AKAP6: variants seen among roughly 807,000 people sequenced by gnomAD.
AKAP6 encodes A-kinase anchoring protein 6.
AKAP6 carries 58 observed loss-of-function variants against 188.5 expected under a neutral mutation model. The observed-to-expected ratio is 0.31, with a 90% CI of 0.25 to 0.38. AKAP6 has a LOEUF of 0.38. Ranked by LOEUF, AKAP6 falls within the 10% of genes least tolerant of loss-of-function variation. AKAP6 has a pLI of 1.00. For missense variants in AKAP6, 2,710 were observed against 2,740.0 expected, an observed-to-expected ratio of 0.99 and a Z score of 0.24; for synonymous variants, 989 against 998.6, an observed-to-expected ratio of 0.99 and a Z score of 0.18.
chr14:32,404,849 A>C (rs1889234944), intron 1 of AKAP6, among the ~76,000 whole-genome samples: 1 of 148,416 alleles, frequency 6.7e-6, no homozygotes, highest in Non-Finnish European at 1.5e-5. Flanking sequence ...TAGGCTAGTA[A>C]GGTGAGGGCA....
At chr14:32,769,759 T>C (rs2032840156) in intron 11 of AKAP6, among the ~76,000 whole-genome samples, 1 of 152,180 alleles carries the variant, frequency 6.6e-6, no homozygotes, top group South Asian at 2.1e-4. Context: ...TTATTTTCCT[T>C]CTCATCTCTC....
In AKAP6 at chr14:32,822,244, A is replaced by G. The variant is rs753593583; in HGVS notation, c.4431A>G (p.Lys1477=). The change falls in exon 13 of 14, where the codon AAA becomes AAG. Residue 1477 remains lysine, a synonymous_variant. Transcript: ENST00000280979. ...ATTACTCATACCTCCAAGGCTCAAAACTCAAATTACCAATGATAATGAAAC... is the reference window on the plus strand; with the variant it reads ...ATTACTCATACCTCCAAGGCTCAAAGCTCAAATTACCAATGATAATGAAAC... The part of the protein sequence containing the change: ...FYDYSYLQGS[K]LKLPMIMKQS... 5.0e-6 allele frequency: 8 copies of G among 1,613,848 alleles called. No individual in the cohort carries two copies. The South Asian group carries it at 7.7e-5, about 16-fold the overall frequency.
intron 12 of AKAP6, among the ~76,000 whole-genome samples, chr14:32,811,009 G>A (rs1217982848): frequency 6.6e-6 from 1 of 152,054 alleles, no homozygotes; most frequent in African/African-American, 2.4e-5. Flanking sequence ...GGAGGCTGAG[G>A]TGGGCAGATC....
chr14:32,332,267 C>G (rs1225046241), intron 1 of AKAP6, among the ~76,000 whole-genome samples: 1 of 152,084 alleles, frequency 6.6e-6, no homozygotes, highest in African/African-American at 2.4e-5. Context: ...GACATCTTTA[C>G]TGTATATACC....
intron 12 of AKAP6, among the ~76,000 whole-genome samples, chr14:32,806,237 GAGAC>G (rs1240167726): frequency 6.6e-6 from 1 of 152,226 alleles, no homozygotes; most frequent in Non-Finnish European, 1.5e-5. Flanking sequence ...TGACATAGAT[GAGAC>G]AGTAGTTATT....
At chr14:32,454,061 G>A (rs1033474355) in intron 2 of AKAP6, among the ~76,000 whole-genome samples, 2 of 152,110 alleles carry the variant, frequency 1.3e-5, no homozygotes, top group African/African-American at 2.4e-5. Context: ...TTTACATGAA[G>A]AAACCATGAG....
chr14:32,389,625 A>G (rs756396977), intron 1 of AKAP6, among the ~76,000 whole-genome samples: 3 of 152,070 alleles, frequency 2.0e-5, no homozygotes, highest in African/African-American at 7.2e-5. Flanking sequence ...ATTGGATATA[A>G]AATTTTTGGC....
At chr14:32,629,912 A>C (rs1887192125) in intron 7 of AKAP6, among the ~76,000 whole-genome samples, 1 of 152,022 alleles carries the variant, frequency 6.6e-6, no homozygotes, top group South Asian at 2.1e-4. Context: ...CAGAAAATTA[A>C]ATTTTTTTAA....
intron 2 of AKAP6, among the ~76,000 whole-genome samples, chr14:32,531,569 T>C (rs1410021912): frequency 2.0e-5 from 3 of 152,018 alleles, no homozygotes; most frequent in Non-Finnish European, 4.4e-5. Flanking sequence ...TAGATTTGCA[T>C]AACACCTCCA....
intron 7 of AKAP6, among the ~76,000 whole-genome samples, chr14:32,657,598 A>T (rs1888508211): frequency 6.6e-6 from 1 of 151,914 alleles, no homozygotes; most frequent in African/African-American, 2.4e-5. Flanking sequence ...CTTACTAGAG[A>T]CTTTGTTGTT....
At chr14:32,458,115 T>C (rs947575923) in intron 2 of AKAP6, among the ~76,000 whole-genome samples, 7 of 152,204 alleles carry the variant, frequency 4.6e-5, no homozygotes, top group African/African-American at 1.4e-4. Flanking sequence ...TTTACCACCC[T>C]AGAACTGCAT....
intron 2 of AKAP6, among the ~76,000 whole-genome samples, chr14:32,506,619 G>T (rs1451170120): frequency 6.6e-6 from 1 of 152,088 alleles, no homozygotes; most frequent in Non-Finnish European, 1.5e-5. Context: ...GAGGCAGGAG[G>T]ATTGCCTGAA....
Position 32,763,612 on chromosome 14 carries a change from A to T in AKAP6, c.3373-10066A>T, listed in dbSNP as rs1164434638. On this transcript the variant is annotated intron_variant, in intron 11 of 13. Coordinates refer to ENST00000280979, the MANE Select transcript of AKAP6 (RefSeq NM_004274.5). ...TTAATAGAGGCTTTTAAAAAACAAT[A>T]TTTCTGCCTGACTCCTAGAAATGAA... Among the ~76,000 whole-genome samples the T allele has an allele frequency of 2.6e-5, 4 of 152,278 alleles. No individual in the cohort carries two copies. The East Asian group carries it at 7.7e-4, about 29-fold the overall frequency.
intron 11 of AKAP6, among the ~76,000 whole-genome samples, chr14:32,738,988 T>A (rs1475140902): frequency 6.6e-6 from 1 of 152,126 alleles, no homozygotes; most frequent in Non-Finnish European, 1.5e-5. Context: ...CTGCTCTAGA[T>A]TACAAAAATT....
At chr14:32,333,567 A>T (rs1886598474) in intron 1 of AKAP6, among the ~76,000 whole-genome samples, 1 of 152,140 alleles carries the variant, frequency 6.6e-6, no homozygotes, top group Non-Finnish European at 1.5e-5. Flanking sequence ...GAAGCCCATT[A>T]TCTGTGCACA....
At chr14:32,813,280 A>T (rs778376872) in intron 12 of AKAP6, among the ~76,000 whole-genome samples, 1 of 151,784 alleles carries the variant, frequency 6.6e-6, no homozygotes, top group Non-Finnish European at 1.5e-5. Context: ...AAGCTTCCAC[A>T]TTTCTCCAGG....
chr14:32,597,329 C>A (rs1885746472), intron 5 of AKAP6, among the ~76,000 whole-genome samples: 1 of 152,134 alleles, frequency 6.6e-6, no homozygotes, highest in East Asian at 1.9e-4. Context: ...GAGCCCTAGG[C>A]TAAATTTACA....
At chr14:32,606,410 TTCTTA>T (rs1339156735) in intron 7 of AKAP6, among the ~76,000 whole-genome samples, 3 of 152,170 alleles carry the variant, frequency 2.0e-5, no homozygotes, top group African/African-American at 7.2e-5. Context: ...CTTTAAAATG[TTCTTA>T]TCTTCTCTTT....
At chr14:32,811,639 G>T (rs1237207460) in intron 12 of AKAP6, among the ~76,000 whole-genome samples, 4 of 152,202 alleles carry the variant, frequency 2.6e-5, no homozygotes, top group Non-Finnish European at 5.9e-5. Context: ...CAGATAGATA[G>T]TGTCAACGTT....
Sources: gnomAD v4.1 joint callset for allele counts (sites outside exome capture counted in the v4.1 genomes callset) on GRCh38, gnomAD v4.1.1 for gene constraint, MANE v1.5 for transcripts, NCBI Gene and HGNC (gene_info 2026-07-23, HGNC 2026-07-21) for gene names.